Variants in LMNTD1 observed in about 807,000 individuals in gnomAD.
LMNTD1 encodes lamin tail domain containing 1.
LMNTD1 carries 35 observed loss-of-function variants against 50.9 expected under a neutral mutation model. The ratio of observed to expected loss-of-function variants is 0.69; its 90% CI spans 0.53 to 0.91. The LOEUF (loss-of-function observed/expected upper bound fraction) is 0.91. Among genes scored for constraint, LMNTD1 ranks in the 40% least tolerant of loss-of-function variants. The pLI, the probability that LMNTD1 is intolerant of heterozygous loss-of-function variation, is 0.00. For missense variants in LMNTD1, 470 were observed against 475.5 expected (o/e 0.99, Z 0.11); for synonymous variants, 153 against 161.9 (o/e 0.94, Z 0.42).
intron 4 of LMNTD1, among the ~76,000 whole-genome samples, chr12:25,536,884 C>A (rs1221070727): frequency 1.3e-5 from 2 of 151,814 alleles, no homozygotes; most frequent in East Asian, 3.9e-4. Flanking sequence ...CGTGCGCGAG[C>A]CGAAGCAGGG....
At chr12:25,504,495 T>A (rs1939598953) in intron 8 of LMNTD1, among the ~76,000 whole-genome samples, 1 of 152,162 alleles carries the variant, frequency 6.6e-6, no homozygotes, top group Non-Finnish European at 1.5e-5. Context: ...CAAAGATGAG[T>A]GTTATTTTTA....
At chr12:25,508,526 T>C (rs1193598466) in intron 8 of LMNTD1, among the ~76,000 whole-genome samples, 3 of 152,176 alleles carry the variant, frequency 2.0e-5, no homozygotes, top group Non-Finnish European at 2.9e-5. Context: ...CATTAAATAA[T>C]TGATGAACAC....
At chr12:25,540,915 A>G (rs1943021518) in intron 4 of LMNTD1, among the ~76,000 whole-genome samples, 1 of 136,004 alleles carries the variant, frequency 7.4e-6, no homozygotes, top group South Asian at 2.5e-4. Flanking sequence ...AATCACAAGC[A>G]TTCCTATACA....
intron 1 of LMNTD1, among the ~76,000 whole-genome samples, chr12:25,603,508 T>C (rs991182774): frequency 6.6e-6 from 1 of 151,952 alleles, no homozygotes; most frequent in Non-Finnish European, 1.5e-5. Flanking sequence ...AATTAGGAAA[T>C]AAGTTCTAGA....
At chr12:25,613,909 C>G (rs373444756) in intron 1 of LMNTD1, among the ~76,000 whole-genome samples, 14 of 151,840 alleles carry the variant, frequency 9.2e-5, no homozygotes, top group African/African-American at 3.4e-4. Flanking sequence ...TTCCTAAATA[C>G]AGCTGGCAGC....
chr12:25,478,875 T>A (rs34507513), intron 9 of LMNTD1, among the ~76,000 whole-genome samples: 33,264 of 151,696 alleles, frequency 0.22, 3,883 homozygotes, highest in Non-Finnish European at 0.26. Flanking sequence ...CAGCAGGTCA[T>A]GATTTTTTTT....
In LMNTD1 at chr12:25,501,314, G is replaced by A. The variant is rs983544475; in HGVS notation, c.*22+2424C>T. Reference sequence around the variant, plus strand: ...CCATGAGATCGAACTTTCATTGCTTGTTTGTCTCTGTAATTGGCATTCTGT... The same window carrying A: ...CCATGAGATCGAACTTTCATTGCTTATTTGTCTCTGTAATTGGCATTCTGT... On this transcript the variant is annotated intron_variant, in intron 9 of 9. Transcript: ENST00000458174. Among the ~76,000 whole-genome samples the A allele has an allele frequency of 2.6e-5, 4 of 152,238 alleles. No homozygotes were observed. The East Asian group carries it at 5.8e-4, about 22-fold the overall frequency.
chr12:25,601,286 G>GT (rs1169408351), intron 1 of LMNTD1, among the ~76,000 whole-genome samples: 1 of 151,948 alleles, frequency 6.6e-6, no homozygotes, highest in African/African-American at 2.4e-5. Context: ...TAGAAGGACA[G>GT]TTACCAGAGG....
intron 1 of LMNTD1, among the ~76,000 whole-genome samples, chr12:25,607,011 C>A (rs977211523): frequency 6.6e-6 from 1 of 152,044 alleles, no homozygotes; most frequent in African/African-American, 2.4e-5. Context: ...AATTTCGGAG[C>A]CTGTTATTGG....
Position 25,552,943 on chromosome 12 carries a change from T to G in LMNTD1, c.17A>C (p.Asp6Ala). The change falls in exon 2 of 10, where the codon GAC becomes GCC. Residue 6 changes from aspartate (D) to alanine (A), a missense_variant. Transcript: ENST00000458174. MKDTQ[D>A]IQEASKAMQN... ...CATTGCCTTCGAAGCTTCCTGAATG[T>G]CTTGTGTATCTTTCATCTTGGCTAG... is the stretch of plus-strand genomic sequence containing the variant. 1 of 1,575,040 alleles carries G rather than the reference T, an allele frequency of 6.3e-7. No homozygotes were observed.
At chr12:25,633,196 G>T (rs538079035) in intron 1 of LMNTD1, among the ~76,000 whole-genome samples, 84 of 152,080 alleles carry the variant, frequency 5.5e-4, no homozygotes, top group Non-Finnish European at 1.1e-3. Flanking sequence ...ATAGACCTAA[G>T]AAATGATATA....
intron 1 of LMNTD1, chr12:25,592,501 T>C (rs1337587390): frequency 6.6e-6 from 1 of 151,994 alleles, no homozygotes; most frequent in African/African-American, 2.4e-5. Context: ...TTACCTGGAG[T>C]TGAATCAATT....
intron 1 of LMNTD1, among the ~76,000 whole-genome samples, chr12:25,587,881 C>T (rs1481034194): frequency 6.6e-6 from 1 of 152,140 alleles, no homozygotes; most frequent in Non-Finnish European, 1.5e-5. Flanking sequence ...AGGTGAATAT[C>T]AGTACATTTT....
chr12:25,563,441 C>G (rs1944420535), intron 1 of LMNTD1, among the ~76,000 whole-genome samples: 1 of 152,226 alleles, frequency 6.6e-6, no homozygotes, highest in Non-Finnish European at 1.5e-5. Context: ...GTATCACCAC[C>G]AGAGGCTGCA....
At chr12:25,479,088 T>C (rs115192312) in intron 9 of LMNTD1, among the ~76,000 whole-genome samples, 3,494 of 152,270 alleles carry the variant, frequency 0.023, 183 homozygotes, top group East Asian at 0.19. Context: ...TTCATTTTGA[T>C]AGCTCGAGTC....
chr12:25,573,012 A>G (rs937220298), intron 1 of LMNTD1, among the ~76,000 whole-genome samples: 7 of 151,880 alleles, frequency 4.6e-5, no homozygotes, highest in African/African-American at 1.5e-4. Flanking sequence ...CAGCACTGAC[A>G]TGATTAATCC....
At chr12:25,537,917 G>A (rs368125347) in intron 4 of LMNTD1, among the ~76,000 whole-genome samples, 12 of 147,912 alleles carry the variant, frequency 8.1e-5, no homozygotes, top group African/African-American at 2.2e-4. Flanking sequence ...CGAGAACTAC[G>A]TGAAGAATGC....
At chr12:25,636,918 G>A (rs11048138) in intron 1 of LMNTD1, among the ~76,000 whole-genome samples, 3,020 of 151,764 alleles carry the variant, frequency 0.02, 34 homozygotes, top group Non-Finnish European at 0.029. Context: ...TGTTCTCACT[G>A]ATATGTGGGA....
rs372386860 is a variant in LMNTD1 at position 25,511,983 on chromosome 12, T to C, written c.1189+6812A>G. On this transcript the variant is annotated intron_variant, in intron 8 of 9. Coordinates refer to ENST00000458174, the MANE Select transcript of LMNTD1 (RefSeq NM_001145728.2). ...ACCTTAGTTCCAATGCTATCTCCCCTGAGCCTTTTCCATTGCTCTCGTCTT... is the reference window on the plus strand; with the variant it reads ...ACCTTAGTTCCAATGCTATCTCCCCCGAGCCTTTTCCATTGCTCTCGTCTT... Among the ~76,000 whole-genome samples the C allele has an allele frequency of 2.8e-4, 42 of 152,324 alleles. 1 individual carries two copies. Among genetic ancestry groups the C allele is most frequent in the African/African-American group, 8.2e-4 (34 of 41,584 alleles).
Sources: allele counts gnomAD v4.1 joint callset (sites outside exome capture counted in the v4.1 genomes callset), GRCh38; gene constraint gnomAD v4.1.1; transcripts MANE v1.5; gene names NCBI Gene and HGNC (gene_info 2026-07-23, HGNC 2026-07-21).